LRP1: variants seen among roughly 807,000 people sequenced by gnomAD.
LRP1 encodes the protein LDL receptor related protein 1.
LRP1 carries 51 observed loss-of-function variants against 541.5 expected under a neutral mutation model. The observed-to-expected ratio is 0.09, with a 90% CI of 0.08 to 0.12. The LOEUF (loss-of-function observed/expected upper bound fraction) is 0.12. Ranked by LOEUF, LRP1 falls within the 10% of genes least tolerant of loss-of-function variation. The probability of loss-of-function intolerance (pLI) is 1.00; values close to 1 mark genes in which losing one functional copy is unlikely to be tolerated. For synonymous variants in LRP1, 2,219 were observed against 2,470.8 expected (o/e 0.90, Z 3.02); for missense variants, 3,878 against 6,376.2 (o/e 0.61, Z 13.34).
intron 6 of LRP1, chr12:57,146,559 T>C (rs1263003246): frequency 6.6e-6 from 1 of 152,196 alleles, no homozygotes; most frequent in Non-Finnish European, 1.5e-5. Flanking sequence ...TTACAAGGGA[T>C]TCATTCTGGG....
At chr12:57,172,069 T>C (rs532284347) in intron 20 of LRP1, among the ~76,000 whole-genome samples, 2 of 150,942 alleles carry the variant, frequency 1.3e-5, no homozygotes, top group African/African-American at 2.4e-5. Flanking sequence ...TTTCTTTTTT[T>C]TTTTTTTTGA....
At chr12:57,129,174 G>T (rs974422460) in intron 1 of LRP1, 143 bp downstream of exon 1, 21 of 892,502 alleles carry the variant, frequency 2.4e-5, no homozygotes, top group Non-Finnish European at 3.5e-5. Flanking sequence ...CGGCCCGACT[G>T]GGGGCGGGGA....
At position 57,128,825 on chromosome 12, in the gene LRP1, CG is replaced by C. The variant is rs2136643214; in HGVS notation, c.-139del. 5 of 702,118 alleles carry C rather than the reference CG, an allele frequency of 7.1e-6. No individual in the cohort carries two copies. In the East Asian group the frequency reaches 1.4e-4, roughly 20 times the overall value. The allele number at this position is 702,118 out of a possible 1,614,324, so 43.5% of individuals were successfully genotyped here. ...TACCTCTTCACCCACGCCCCTGGTG[CG>C]CTTTGCCGAAGGAAAGAATAAGAAC... On this transcript the variant is annotated 5_prime_UTR_variant, in exon 1 of 89. Coordinates refer to ENST00000243077, the MANE Select transcript of LRP1 (RefSeq NM_002332.3).
chr12:57,154,822 C>T lies in LRP1; in HGVS notation c.1227+121C>T, dbSNP rs76589759. On this transcript the variant is annotated intron_variant, in intron 8 of 88. Transcript: ENST00000243077. The surrounding 1 kb of genome is among the most constrained non-coding windows in gnomAD (Gnocchi z 4.6). ...CTCCTGGTAAAGAGCGTGGATGCCC[C>T]AGGCCTCTAGTGGGAGTGGGGTGGG... 6.6e-3 allele frequency: 6,030 copies of T among 913,436 alleles called. 153 individuals carry two copies. The East Asian group carries it at 0.069, about 10-fold the overall frequency. 56.6% of individuals were successfully genotyped at this position (913,436 alleles called of 1,614,324 possible). A position where few individuals can be genotyped will look rare whatever the true frequency, so the allele number is the denominator to read the frequency against.
intron 76 of LRP1, among the ~76,000 whole-genome samples, chr12:57,207,125 C>T (rs956920124): frequency 1.3e-5 from 2 of 151,862 alleles, no homozygotes; most frequent in African/African-American, 4.8e-5. Context: ...CGCCTGTAGT[C>T]CCAGCTACTT....
rs574238888 is a variant in LRP1, at chr12:57,166,945, C to A, written c.2813C>A (p.Pro938His). ...NATCSARTCP[P>H]NQFSCASGRC... ...TGCCCCCCAGCCCGCACCTGCCCCCCCAACCAGTTCTCCTGTGCCAGTGGC... is the reference window on the plus strand; with the variant it reads ...TGCCCCCCAGCCCGCACCTGCCCCCACAACCAGTTCTCCTGTGCCAGTGGC... The change falls in exon 18 of 89, where the codon CCC (proline) becomes CAC (histidine). Residue 938 changes from proline to histidine, a missense_variant. By Grantham distance (77) the Pro-to-His change is moderately conservative. Transcript: ENST00000243077. 7 of 1,613,456 alleles carry A rather than the reference C, an allele frequency of 4.3e-6. No individual in the cohort carries two copies. The highest frequency in any genetic ancestry group is 2.7e-5 in the African/African-American group (2 of 74,906).
At chr12:57,149,650 G>C in intron 6 of LRP1, 1 of 720,796 alleles carries the variant, frequency 1.4e-6, no homozygotes, top group African/African-American at 1.7e-5. Context: ...GGGGAAGGTA[G>C]CAGGACATAA....
Position 57,212,071 on chromosome 12 carries a change from T to TC in LRP1, c.13350-39dup, listed in dbSNP as rs752733226. The TC allele has an allele frequency of 1.2e-5, 19 of 1,612,198 alleles. No homozygotes were observed. The highest frequency in any genetic ancestry group is 2.2e-5 in the East Asian group (1 of 44,862). ...GGTCATTATTTTGCCATCCTAGCCT[T>TC]CCCCCCCAATAATCTCTGTCTCCTT... On this transcript the variant is annotated intron_variant, in intron 87 of 88. Transcript: ENST00000243077. This position sits in a 1 kb window ranked among gnomAD's most constrained non-coding sequence, Gnocchi z 5.0.
intron 23 of LRP1, 37 bp downstream of exon 23, chr12:57,175,742 G>A: frequency 5.8e-6 from 9 of 1,550,194 alleles, no homozygotes; most frequent in Non-Finnish European, 6.1e-6. Flanking sequence ...GCAGGCCGAG[G>A]CAGGCCTCTG....
Position 57,159,976 on chromosome 12 carries a change from C to T in LRP1, c.1950C>T (p.Pro650=), listed in dbSNP as rs147361731. The T allele has an allele frequency of 1.2e-6, 2 of 1,614,006 alleles. No homozygotes were observed. Among genetic ancestry groups the T allele is most frequent in the African/African-American group, 1.3e-5 (1 of 74,896 alleles). The part of the protein sequence containing the change: ...KTLIEGKMTH[P]RAIVVDPLNG... ...TAATCGAGGGCAAAATGACACACCC[C>T]AGGGCTATTGTGGTGGATCCACTCA... Residue 650 remains proline, a synonymous_variant, in exon 12 of 89, where the codon CCC becomes CCT. Coordinates refer to ENST00000243077, the MANE Select transcript of LRP1 (RefSeq NM_002332.3).
Position 57,201,811 on chromosome 12 carries a change from C to T in LRP1, c.10500C>T (p.Arg3500=). 1 of 1,614,126 alleles carries T rather than the reference C, an allele frequency of 6.2e-7. No individual in the cohort carries two copies. The highest frequency in any genetic ancestry group is 8.5e-7 in the Non-Finnish European group (1 of 1,180,018). ...TGACCTGTGGTGTGGACGAGTTCCG[C>T]TGCAAGGATTCGGGCCGCTGCATCC... is the stretch of plus-strand genomic sequence containing the variant. The part of the protein sequence containing the change: ...TQMTCGVDEF[R]CKDSGRCIPA... Residue 3500 remains arginine, a synonymous_variant, in exon 67 of 89, where the codon CGC becomes CGT. Coordinates refer to ENST00000243077, the MANE Select transcript of LRP1 (RefSeq NM_002332.3). This position sits in a 1 kb window ranked among gnomAD's most constrained non-coding sequence, Gnocchi z 6.4.
At chr12:57,136,189 C>T (rs924926584) in intron 1 of LRP1, among the ~76,000 whole-genome samples, 3 of 152,180 alleles carry the variant, frequency 2.0e-5, no homozygotes, top group Non-Finnish European at 4.4e-5. Flanking sequence ...GCATTATCCA[C>T]CTCCTCAAGG....
At chr12:57,193,128 G>A in intron 45 of LRP1, 48 bp from the exon 46 acceptor site, 6 of 1,605,692 alleles carry the variant, frequency 3.7e-6, no homozygotes, top group Non-Finnish European at 5.1e-6. Flanking sequence ...CGTGGGCACT[G>A]GGGCCCACAG....
At chr12:57,209,349 C>A in intron 79 of LRP1, 150 bp downstream of exon 79, 1 of 687,002 alleles carries the variant, frequency 1.5e-6, no homozygotes. Flanking sequence ...TCCAGCTGGC[C>A]TCCCCCTGAA....
At chr12:57,129,213 T>G in intron 1 of LRP1, 182 bp downstream of exon 1, 1 of 623,252 alleles carries the variant, frequency 1.6e-6, no homozygotes, top group East Asian at 2.8e-5. Flanking sequence ...ATGGGGGCCC[T>G]GGGCAAATGA....
rs1357335056 is a variant in LRP1, at chr12:57,149,974, G to C, written c.842-4234G>C. On this transcript the variant is annotated intron_variant, in intron 6 of 88. Coordinates refer to ENST00000243077, the MANE Select transcript of LRP1 (RefSeq NM_002332.3). ...CCCAAGGCCAGAGAGGCAGGATCCT[G>C]GCAGTAGAAGAGAGGGGGAAAATGA... 3.3e-5 allele frequency: 18 copies of C among 542,446 alleles called. No homozygotes were observed. The East Asian group carries it at 5.5e-4, about 16-fold the overall frequency. 33.6% of individuals were successfully genotyped at this position (542,446 alleles called of 1,614,324 possible). A position where few individuals can be genotyped will look rare whatever the true frequency, so the allele number is the denominator to read the frequency against.
At position 57,205,163 on chromosome 12, in the gene LRP1, G is replaced by T; in HGVS notation, c.11249G>T (p.Arg3750Leu). 1 of 1,613,948 alleles carries T rather than the reference G, an allele frequency of 6.2e-7. No homozygotes were observed. The highest frequency in any genetic ancestry group is 1.6e-4 in the Middle Eastern group (1 of 6,062). The change falls in exon 73 of 89, where the codon CGG becomes CTG. Residue 3750 changes from arginine to leucine, a missense_variant. Arg to Leu is a moderately radical substitution (Grantham distance 102, BLOSUM62 -2). This residue lies in a region of LRP1 where 871 missense variants were observed against 1,212.4 expected (regional missense o/e 0.72). Transcript: ENST00000243077. This position sits in a 1 kb window ranked among gnomAD's most constrained non-coding sequence, Gnocchi z 4.6. ...AAAGACAAGAAGGAGTTTCTGTGCC[G>T]GAACCAGCGCTGCCTCTCCTCCTCC... ...HCKDKKEFLC[R>L]NQRCLSSSLR...
In LRP1 at chr12:57,183,905, C is replaced by T. The variant is rs368721493; in HGVS notation, c.5925C>T (p.Ile1975=). The T allele has an allele frequency of 4.4e-5, 71 of 1,614,062 alleles. No homozygotes were observed. The highest frequency in any genetic ancestry group is 4.0e-4 in the Admixed American group (24 of 60,022). The part of the protein sequence containing the change: ...GRVEGIAVDW[I]AGNIYWTDQG... ...TGGAGGGCATTGCAGTGGACTGGAT[C>T]GCAGGTGAGCAGTGGGCAGGTTTGT... The change falls in exon 36 of 89, where the codon ATC becomes ATT. Residue 1975 remains isoleucine (I), a synonymous_variant. Transcript: ENST00000243077. The surrounding 1 kb of genome is among the most constrained non-coding windows in gnomAD (Gnocchi z 6.1).
In LRP1 at chr12:57,185,245, G is replaced by T; in HGVS notation, c.6463+40G>T. ...CTGGGCTGGGGTGGAGAGGTGAGGGGGACTCTGGCCTGGGAGAGTGCTCCC... is the reference window on the plus strand; with the variant it reads ...CTGGGCTGGGGTGGAGAGGTGAGGGTGACTCTGGCCTGGGAGAGTGCTCCC... On this transcript the variant is annotated intron_variant, in intron 40 of 88. Coordinates refer to ENST00000243077, the MANE Select transcript of LRP1 (RefSeq NM_002332.3). This position sits in a 1 kb window ranked among gnomAD's most constrained non-coding sequence, Gnocchi z 4.9. 6.2e-7 allele frequency: 1 copy of T among 1,610,574 alleles called. No homozygotes were observed. Among genetic ancestry groups the T allele is most frequent in the Non-Finnish European group, 8.5e-7 (1 of 1,177,806 alleles).
Sources: gnomAD v4.1 joint callset for allele counts (sites outside exome capture counted in the v4.1 genomes callset) on GRCh38, gnomAD v4.1.1 for gene constraint, gnomAD v4.1.1 regional missense constraint, Gnocchi (gnomAD v3.1) non-coding constraint, MANE v1.5 for transcripts, NCBI Gene and HGNC (gene_info 2026-07-23, HGNC 2026-07-21) for gene names.